HEATR4: variants seen among roughly 807,000 people sequenced by gnomAD.
HEATR4 encodes the protein HEAT repeat containing 4.
A neutral mutation model predicts 108.8 loss-of-function variants in HEATR4; 95 were observed. The observed-to-expected ratio is 0.87, with a 90% CI of 0.74 to 1.04. The LOEUF is 1.04. HEATR4 is among the 50% of genes least tolerant of loss of function. HEATR4 has a pLI of 0.00. For missense variants in HEATR4, 1,152 were observed against 1,253.8 expected, an observed-to-expected ratio of 0.92 and a Z score of 1.23; for synonymous variants, 443 against 459.4, an observed-to-expected ratio of 0.96 and a Z score of 0.46.
chr14:73,593,461 C>T, the HEATR4 span, among the ~76,000 whole-genome samples: 2 of 150,160 alleles, frequency 1.3e-5, no homozygotes, highest in African/African-American at 2.5e-5. Context: ...TCCATTGCCT[C>T]CCAAGTAGCT....
chr14:73,579,358 T>C, the HEATR4 span, among the ~76,000 whole-genome samples: 1 of 143,516 alleles, frequency 7.0e-6, no homozygotes, highest in African/African-American at 2.6e-5. Context: ...GAGGGGATCA[T>C]GAGGTCGGGA....
intron 17 of HEATR4, among the ~76,000 whole-genome samples, chr14:73,485,759 G>A (rs1271110421): frequency 1.3e-5 from 2 of 152,010 alleles, no homozygotes; most frequent in Non-Finnish European, 2.9e-5. Flanking sequence ...TGTAATCCAA[G>A]CTACTCAGGT....
rs1156622150 is a variant in HEATR4, at chr14:73,538,063, G to C, written c.-151-7819C>G. Among the ~76,000 whole-genome samples, 8 of 108,656 alleles carry C rather than the reference G, an allele frequency of 7.4e-5. 2 individuals are homozygous for C. Among genetic ancestry groups the C allele is most frequent in the Non-Finnish European group, 1.6e-4 (8 of 50,672 alleles). 71.3% of individuals were successfully genotyped at this position (108,656 alleles called of 152,430 possible). A position where few individuals can be genotyped will look rare whatever the true frequency, so the allele number is the denominator to read the frequency against. On this transcript the variant is annotated intron_variant, in intron 1 of 17. Coordinates refer to ENST00000553558, the MANE Select transcript of HEATR4 (RefSeq NM_001220484.1). ...GTAGGTCTTGAACTCCTGGACCCAA[G>C]CTATCCTCCCGCCTCTGCCTCCCCA...
chr14:73,495,740 A>G (rs1440704249), intron 15 of HEATR4, among the ~76,000 whole-genome samples: 1 of 152,184 alleles, frequency 6.6e-6, no homozygotes, highest in Non-Finnish European at 1.5e-5. Context: ...ACCTGCTAAG[A>G]ATTGCTTGCT....
intron 11 of HEATR4, 77 bp from the exon 12 acceptor site, chr14:73,500,807 A>G: frequency 1.4e-6 from 2 of 1,394,400 alleles, no homozygotes; most frequent in Non-Finnish European, 2.0e-6. Flanking sequence ...TAATGCCCTC[A>G]TGATAAAATC....
At chr14:73,486,454 T>C (rs553245762) in intron 17 of HEATR4, among the ~76,000 whole-genome samples, 2 of 152,320 alleles carry the variant, frequency 1.3e-5, no homozygotes, top group African/African-American at 4.8e-5. Flanking sequence ...TTCCAGCACT[T>C]TGGGAGACTG....
rs544386390 is a variant in HEATR4, at chr14:73,517,889, C to A, written c.1210+1134G>T. Among the ~76,000 whole-genome samples, 16 of 152,136 alleles carry A rather than the reference C, an allele frequency of 1.1e-4. No individual in the cohort carries two copies. In the South Asian group the frequency reaches 3.3e-3, roughly 32 times the overall value. Reference sequence around the variant, plus strand: ...AGATCACGAGGTCAAGAGATCAAGACCATCCTGGCCAACATGGTGAACCCC... The same window carrying A: ...AGATCACGAGGTCAAGAGATCAAGAACATCCTGGCCAACATGGTGAACCCC... On this transcript the variant is annotated intron_variant, in intron 5 of 17. Coordinates refer to ENST00000553558, the MANE Select transcript of HEATR4 (RefSeq NM_001220484.1).
intron 4 of HEATR4, among the ~76,000 whole-genome samples, chr14:73,519,483 C>A (rs564803832): frequency 6.6e-6 from 1 of 152,182 alleles, no homozygotes; most frequent in African/African-American, 2.4e-5. Context: ...TGGTGGCTCA[C>A]ACCTGTAATC....
At chr14:73,576,793 C>CAAAAAAAAAAAAAAAG in the HEATR4 span, among the ~76,000 whole-genome samples, 1 of 12,096 alleles carries the variant, frequency 8.3e-5, no homozygotes, top group Non-Finnish European at 1.8e-4. Context: ...GACACAGTCT[C>CAAAAAAAAAAAAAAAG]AAAAAAAAAA....
the HEATR4 span, chr14:73,591,983 GC>G: frequency 6.4e-6 from 9 of 1,404,582 alleles, no homozygotes; most frequent in Admixed American, 7.3e-5. Flanking sequence ...TGATCCTGGA[GC>G]CCCCAGGCCG....
Position 73,536,236 on chromosome 14 carries a change from A to C in HEATR4, c.-151-5992T>G, listed in dbSNP as rs549947911. Reference sequence around the variant, plus strand: ...GCTTACGCATTTATAGGTTTCTCTAATTACCAAGATAGGAAATTATGAAAT... The same window carrying C: ...GCTTACGCATTTATAGGTTTCTCTACTTACCAAGATAGGAAATTATGAAAT... On this transcript the variant is annotated intron_variant, in intron 1 of 17. Transcript: ENST00000553558. Among the ~76,000 whole-genome samples the C allele has an allele frequency of 1.8e-4, 20 of 113,440 alleles. 2 individuals carry two copies. The highest frequency in any genetic ancestry group is 5.7e-4 in the African/African-American group (20 of 34,810). 74.4% of individuals were successfully genotyped at this position (113,440 alleles called of 152,430 possible). A position where few individuals can be genotyped will look rare whatever the true frequency, so the allele number is the denominator to read the frequency against.
rs1034976171 is a variant in HEATR4, at chr14:73,547,274, C to T, written c.-152+11477G>A. Among the ~76,000 whole-genome samples, 4 of 114,326 alleles carry T rather than the reference C, an allele frequency of 3.5e-5. 1 individual carries two copies. Among genetic ancestry groups the T allele is most frequent in the African/African-American group, 1.1e-4 (4 of 35,540 alleles). 75.0% of individuals were successfully genotyped at this position (114,326 alleles called of 152,430 possible). On this transcript the variant is annotated intron_variant, in intron 1 of 17. Coordinates refer to ENST00000553558, the MANE Select transcript of HEATR4 (RefSeq NM_001220484.1). ...TGGGCGCCTGTAATCCCAGCTACTCCGGAGGCTGTGGCAGGAGAATCACTT... is the reference window on the plus strand; with the variant it reads ...TGGGCGCCTGTAATCCCAGCTACTCTGGAGGCTGTGGCAGGAGAATCACTT...
At chr14:73,527,786 C>G (rs1479605560) in intron 2 of HEATR4, among the ~76,000 whole-genome samples, 1 of 150,800 alleles carries the variant, frequency 6.6e-6, no homozygotes, top group Non-Finnish European at 1.5e-5. Flanking sequence ...GAGACCAGCC[C>G]GGCCAACATG....
intron 17 of HEATR4, among the ~76,000 whole-genome samples, chr14:73,479,483 G>C (rs545265164): frequency 2.5e-4 from 36 of 142,386 alleles, no homozygotes; most frequent in African/African-American, 9.0e-4. Flanking sequence ...TTGTTGCCCA[G>C]GCTGGGGTGC....
upstream of HEATR4, among the ~76,000 whole-genome samples, chr14:73,559,467 AC>A (rs1409717721): frequency 2.0e-5 from 3 of 151,314 alleles, no homozygotes; most frequent in Non-Finnish European, 4.4e-5. Flanking sequence ...GCGATGGCTC[AC>A]GCCTGCAATT....
chr14:73,618,825 C>A, the HEATR4 span, among the ~76,000 whole-genome samples: 2 of 152,140 alleles, frequency 1.3e-5, no homozygotes, highest in East Asian at 1.9e-4. Context: ...GGAAGGAAAG[C>A]AAATGATAGT....
chr14:73,603,303 C>T, the HEATR4 span, among the ~76,000 whole-genome samples: 2 of 152,090 alleles, frequency 1.3e-5, no homozygotes, highest in African/African-American at 2.4e-5. Flanking sequence ...ATTTAGAACA[C>T]GTTTACATTT....
chr14:73,571,793 C>G, the HEATR4 span: 2 of 152,034 alleles, frequency 1.3e-5, no homozygotes, highest in African/African-American at 4.8e-5. Flanking sequence ...TCTTTGAATT[C>G]GCACAGTATG....
chr14:73,512,953 C>G lies in HEATR4; in HGVS notation c.1415-804G>C, dbSNP rs530444488. 2.6e-5 allele frequency among the ~76,000 whole-genome samples: 4 copies of G among 152,288 alleles called. No individual in the cohort carries two copies. In the East Asian group the frequency reaches 7.7e-4, roughly 29 times the overall value. ...CTCAAATACCATAGCTTTCAACAGT[C>G]CTTGCCAGGCCATTACTTTGTCCCA... On this transcript the variant is annotated intron_variant, in intron 6 of 17. Transcript: ENST00000553558.
Sources: gnomAD v4.1 joint callset for allele counts (sites outside exome capture counted in the v4.1 genomes callset) on GRCh38, gnomAD v4.1.1 for gene constraint, MANE v1.5 for transcripts, NCBI Gene and HGNC (gene_info 2026-07-23, HGNC 2026-07-21) for gene names.